Variants in MUC6 observed in about 807,000 individuals in gnomAD.
The protein encoded by MUC6 is mucin 6, oligomeric mucus/gel-forming (gene/pseudogene).
In MUC6, 188 loss-of-function variants were observed where a neutral mutation model predicts 201.5. The ratio of observed to expected loss-of-function variants is 0.93; its 90% CI spans 0.83 to 1.05. The LOEUF (loss-of-function observed/expected upper bound fraction) is 1.05, where lower values mean the gene tolerates loss of function less well. Ranked by LOEUF, MUC6 falls within the 50% of genes least tolerant of loss-of-function variation. The pLI is 0.00. For missense variants in MUC6, 2,706 were observed against 3,256.9 expected, an observed-to-expected ratio of 0.83 and a Z score of 4.12; for synonymous variants, 1,228 against 1,389.4, an observed-to-expected ratio of 0.88 and a Z score of 2.58.
intron 2 of MUC6, 36 bp from the exon 3 acceptor site, chr11:1,032,089 C>G: frequency 6.2e-7 from 1 of 1,603,256 alleles, no homozygotes; most frequent in Non-Finnish European, 8.5e-7. Flanking sequence ...GCCCTGTGTC[C>G]CCACCATCCT....
Position 1,027,188 on chromosome 11 carries a change from C to G in MUC6, c.2237G>C (p.Cys746Ser). Residue 746 changes from cysteine to serine, a missense_variant, in exon 18 of 33, where the codon TGC becomes TCC. This residue lies in a region of MUC6 where 1,850 missense variants were observed against 1,958.3 expected (regional missense o/e 0.94). Coordinates refer to ENST00000421673, the MANE Select transcript of MUC6 (RefSeq NM_005961.3). ...CGGGCAACTCAGCCGCCCGTTGATG[C>G]AGTGGCTGCAAGAGAGAGGCTGCGT... ...STVINGITCHCINGRLSCPQR... is the reference protein window; with the variant it reads ...STVINGITCHSINGRLSCPQR... The G allele has an allele frequency of 1.2e-6, 2 of 1,612,406 alleles. No homozygotes were observed. The highest frequency in any genetic ancestry group is 2.2e-5 in the East Asian group (1 of 44,876).
At chr11:1,036,253 G>T (rs1857214219) in intron 1 of MUC6, among the ~76,000 whole-genome samples, 1 of 152,178 alleles carries the variant, frequency 6.6e-6, no homozygotes, top group Non-Finnish European at 1.5e-5. Flanking sequence ...CTCGGGGAGG[G>T]AGAGCGCCAG....
chr11:1,026,746 T>TTAGGGA (rs1856969197), intron 19 of MUC6, among the ~76,000 whole-genome samples, 195 bp downstream of exon 19: 1 of 152,348 alleles, frequency 6.6e-6, no homozygotes, highest in African/African-American at 2.4e-5. Context: ...TGGTGCCCAC[T>TTAGGGA]GTCCTTAGGG....
In MUC6 at chr11:1,031,058, T is replaced by TG. The variant is rs71464128; in HGVS notation, c.575-3dup. ...ACTTGTGGGGTTCCAGGAACTTGCC[T>TG]GGGGTGCAGAATGGGGGTCAGCACC... On this transcript the variant is annotated splice_region_variant and splice_polypyrimidine_tract_variant and intron_variant, in intron 5 of 32. Coordinates refer to ENST00000421673, the MANE Select transcript of MUC6 (RefSeq NM_005961.3). 139,817 of 1,559,114 alleles carry TG rather than the reference T, an allele frequency of 0.09. 8,591 individuals carry two copies. Among genetic ancestry groups the TG allele is most frequent in the African/African-American group, 0.31 (22,620 of 72,032 alleles).
chr11:1,017,616 T>C lies in MUC6; in HGVS notation c.5185A>G (p.Thr1729Ala). ...TSTGTPPMTV[T>A]TSGTSQSRSS... ...CGGGATTGGCTGGTCCCACTGGTGGTCACTGTCATTGGTGGGGTTCCTGTA... is the reference window on the plus strand; with the variant it reads ...CGGGATTGGCTGGTCCCACTGGTGGCCACTGTCATTGGTGGGGTTCCTGTA... Residue 1729 changes from threonine to alanine, a missense_variant, in exon 31 of 33, where the codon ACC (threonine) becomes GCC (alanine). Physicochemically the swap from Thr to Ala is moderately conservative, Grantham distance 58. Coordinates refer to ENST00000421673, the MANE Select transcript of MUC6 (RefSeq NM_005961.3). 1.2e-6 allele frequency: 1 copy of C among 825,108 alleles called. No homozygotes were observed. The highest frequency in any genetic ancestry group is 1.6e-6 in the Non-Finnish European group (1 of 616,584). 51.1% of individuals were successfully genotyped at this position (825,108 alleles called of 1,614,324 possible).
rs917319393 is a variant in MUC6, at chr11:1,013,054, G to A, written c.*402C>T. On this transcript the variant is annotated 3_prime_UTR_variant, in exon 33 of 33. Coordinates refer to ENST00000421673, the MANE Select transcript of MUC6 (RefSeq NM_005961.3). ...TGCCCCCATCTCGGCACAGGTTTCC[G>A]TGCCCTCCTCGCCCCTGATGGGTCT... The A allele has an allele frequency of 5.1e-6, 1 of 195,184 alleles. No individual in the cohort carries two copies. The highest frequency in any genetic ancestry group is 1.5e-4 in the South Asian group (1 of 6,684). 12.1% of individuals were successfully genotyped at this position (195,184 alleles called of 1,614,324 possible).
chr11:1,014,056 G>C, intron 31 of MUC6, 55 bp from the exon 32 acceptor site: 1 of 1,475,514 alleles, frequency 6.8e-7, no homozygotes, highest in Non-Finnish European at 9.2e-7. Flanking sequence ...AGCGAGGAGG[G>C]AGGGAAACCC....
Position 1,029,097 on chromosome 11 carries a change from G to A in MUC6, c.1329C>T (p.Gly443=), listed in dbSNP as rs758975052. 15 of 1,612,622 alleles carry A rather than the reference G, an allele frequency of 9.3e-6. No homozygotes were observed. The African/African-American group carries it at 1.1e-4, about 11-fold the overall frequency. Residue 443 remains glycine (G), a synonymous_variant, in exon 11 of 33, where the codon GGC becomes GGT. Coordinates refer to ENST00000421673, the MANE Select transcript of MUC6 (RefSeq NM_005961.3). The part of the protein sequence containing the change: ...GALMAVYDKS[G]VSHSETSLVA... ...CCAGGGAGGTCTCGGAGTGTGAGACGCCGGACTTGTCGTACACAGCCATGA... is the reference window on the plus strand; with the variant it reads ...CCAGGGAGGTCTCGGAGTGTGAGACACCGGACTTGTCGTACACAGCCATGA...
In MUC6 at chr11:1,035,145, C is replaced by T. The variant is rs553836300; in HGVS notation, c.52+1459G>A. 1.2e-4 allele frequency among the ~76,000 whole-genome samples: 19 copies of T among 152,302 alleles called. No homozygotes were observed. The South Asian group carries it at 1.4e-3, about 12-fold the overall frequency. On this transcript the variant is annotated intron_variant, in intron 1 of 32. Transcript: ENST00000421673. ...GGCCCAGGCCTGCAGCCCGTCTGTC[C>T]GACCCCACACTCTGCTGGCTGAGGC...
At position 1,033,801 on chromosome 11, in the gene MUC6, G is replaced by A. The variant is rs1291451834; in HGVS notation, c.53-726C>T. On this transcript the variant is annotated intron_variant, in intron 1 of 32. Transcript: ENST00000421673. The surrounding 1 kb of genome is among the most constrained non-coding windows in gnomAD (Gnocchi z 5.6). ...GGGTAACTCCCCGGACCCTGCCTCCGAGACTATGACCCTTCCTGTGGCTCC... is the reference window on the plus strand; with the variant it reads ...GGGTAACTCCCCGGACCCTGCCTCCAAGACTATGACCCTTCCTGTGGCTCC... Among the ~76,000 whole-genome samples, 5 of 151,932 alleles carry A rather than the reference G, an allele frequency of 3.3e-5. No homozygotes were observed. In the East Asian group the frequency reaches 7.8e-4, roughly 24 times the overall value.
Position 1,030,934 on chromosome 11 carries a change from C to G in MUC6, c.684+13G>C, listed in dbSNP as rs1384690981. ...GACCTGGGGTCAGCCCCACCTGGAG[C>G]CCCCTTGCTTACGTGCTGGGCCTGC... On this transcript the variant is annotated intron_variant, in intron 6 of 32. Transcript: ENST00000421673. 2 of 1,558,294 alleles carry G rather than the reference C, an allele frequency of 1.3e-6. No homozygotes were observed. The highest frequency in any genetic ancestry group is 1.7e-6 in the Non-Finnish European group (2 of 1,151,676).
chr11:1,030,366 T>TGGCCCCCC, intron 7 of MUC6, 31 bp from the exon 8 acceptor site: 1 of 1,489,568 alleles, frequency 6.7e-7, no homozygotes, highest in Non-Finnish European at 9.1e-7. Context: ...GGTGAGAGGG[T>TGGCCCCCC]CCCACCCCCC....
chr11:1,019,821 G>T, intron 29 of MUC6: 1 of 641,200 alleles, frequency 1.6e-6, no homozygotes, highest in South Asian at 1.9e-5. Flanking sequence ...GCAGGGGCAG[G>T]CTGCCTGGCA....
At chr11:1,026,222 A>G (rs891944514) in intron 20 of MUC6, 81 bp from the exon 21 acceptor site, 1 of 1,512,746 alleles carries the variant, frequency 6.6e-7, no homozygotes, top group Admixed American at 2.1e-5. Flanking sequence ...GCCAGACTGC[A>G]CCTCTGGACG....
rs914004460 is a variant in MUC6 at position 1,028,474 on chromosome 11, C to CT, written c.1592-88dup. The CT allele has an allele frequency of 1.5e-5, 24 of 1,557,000 alleles. No individual in the cohort carries two copies. The Middle Eastern group carries it at 1.0e-3, about 65-fold the overall frequency. On this transcript the variant is annotated intron_variant, in intron 13 of 32. Coordinates refer to ENST00000421673, the MANE Select transcript of MUC6 (RefSeq NM_005961.3). The stretch of plus-strand genomic sequence containing the variant: ...ACGCCCTGGAGCTCCCGTCCTTCCT[C>CT]TAACAGCACCCTGGGTGAGAGGCTG...
chr11:1,014,523 C>T (rs1336412068), intron 31 of MUC6, among the ~76,000 whole-genome samples: 2 of 152,176 alleles, frequency 1.3e-5, no homozygotes, highest in Non-Finnish European at 2.9e-5. Context: ...GGTGGGGGCC[C>T]GCGGGGAAGG....
At position 1,016,159 on chromosome 11, in the gene MUC6, G is replaced by T. The variant is rs1249235219; in HGVS notation, c.6642C>A (p.His2214Gln). The stretch of plus-strand genomic sequence containing the variant: ...AGAGGGTGAAAGGAGAGGAGATAGT[G>T]TGGGGGAGAGTGGCCCTAATGGTAG... ...ASTTIRATLP[H>Q]TISSPFTLSA... Residue 2214 changes from histidine (H) to glutamine (Q), a missense_variant, in exon 31 of 33, where the codon CAC (histidine) becomes CAA (glutamine). His to Gln is a conservative substitution (Grantham distance 24). Coordinates refer to ENST00000421673, the MANE Select transcript of MUC6 (RefSeq NM_005961.3). 6.2e-7 allele frequency: 1 copy of T among 1,613,500 alleles called. No individual in the cohort carries two copies. Among genetic ancestry groups the T allele is most frequent in the African/African-American group, 1.3e-5 (1 of 74,840 alleles).
intron 18 of MUC6, 36 bp from the exon 19 acceptor site, chr11:1,027,086 G>C: frequency 6.2e-7 from 1 of 1,609,104 alleles, no homozygotes. Flanking sequence ...AGGACACTCA[G>C]AGGAAGCCGG....
chr11:1,019,156 C>T, intron 30 of MUC6, 119 bp downstream of exon 30: 5 of 1,215,186 alleles, frequency 4.1e-6, no homozygotes, highest in Middle Eastern at 2.0e-4. Flanking sequence ...TTTGGGCTGC[C>T]TTCTCGCTTG....
Sources: allele counts gnomAD v4.1 joint callset (sites outside exome capture counted in the v4.1 genomes callset), GRCh38; gene constraint gnomAD v4.1.1; regional missense constraint gnomAD v4.1.1; non-coding constraint Gnocchi (gnomAD v3.1); transcripts MANE v1.5; gene names NCBI Gene and HGNC (gene_info 2026-07-23, HGNC 2026-07-21).